Variants in SRD5A1 observed in about 807,000 individuals in gnomAD.
SRD5A1 encodes steroid 5 alpha-reductase 1.
In SRD5A1, 22 loss-of-function variants were observed where a neutral mutation model predicts 28.2. That is an observed-to-expected ratio of 0.78 (90% CI 0.56 to 1.12). The LOEUF (loss-of-function observed/expected upper bound fraction) is 1.12. Among genes scored for constraint, SRD5A1 ranks in the 50% most tolerant of loss-of-function variants. The pLI is 0.00. For missense variants in SRD5A1, 300 were observed against 346.7 expected, an observed-to-expected ratio of 0.87 and a Z score of 1.07; for synonymous variants, 151 against 135.0, an observed-to-expected ratio of 1.12 and a Z score of -0.82.
chr5:6,652,214 C>T (rs980396372), intron 2 of SRD5A1, among the ~76,000 whole-genome samples: 7 of 152,220 alleles, frequency 4.6e-5, no homozygotes, highest in African/African-American at 7.2e-5. Context: ...GGCACCTTCC[C>T]CCGCACGGGC....
intron 4 of SRD5A1, among the ~76,000 whole-genome samples, chr5:6,664,901 T>C (rs2126553303): frequency 6.6e-6 from 1 of 151,992 alleles, no homozygotes; most frequent in East Asian, 1.9e-4. Context: ...CTGCGGAAAG[T>C]TGAGTGAGTG....
Position 6,644,732 on chromosome 5 carries a change from G to A in SRD5A1, c.294-7110G>A, listed in dbSNP as rs1579398647. ...TGATCACAAGACAAGATTGCCTCCT[G>A]TTTTTAAGGGAGCCTATGACAGTCC... On this transcript the variant is annotated intron_variant, in intron 1 of 4. Transcript: ENST00000274192. 5 of 371,866 alleles carry A rather than the reference G, an allele frequency of 1.3e-5. 1 individual carries two copies. Among genetic ancestry groups the A allele is most frequent in the South Asian group, 1.0e-4 (5 of 50,082 alleles). The allele number at this position is 371,866 out of a possible 1,614,324, so 23.0% of individuals were successfully genotyped here. A position where few individuals can be genotyped will look rare whatever the true frequency, so the allele number is the denominator to read the frequency against.
chr5:6,654,304 G>A (rs1325702631), intron 2 of SRD5A1, among the ~76,000 whole-genome samples: 5 of 151,984 alleles, frequency 3.3e-5, no homozygotes, highest in Admixed American at 6.6e-5. Flanking sequence ...TGATTCACCC[G>A]CCTCAGCCTC....
intron 1 of SRD5A1, among the ~76,000 whole-genome samples, chr5:6,647,589 C>A (rs78478261): frequency 6.6e-6 from 1 of 152,274 alleles, no homozygotes; most frequent in African/African-American, 2.4e-5. Flanking sequence ...ACTAGGATTG[C>A]AACCCCTGCT....
rs1451132264 is a variant in SRD5A1 at position 6,658,136 on chromosome 5, C to T, written c.562+1957C>T. Among the ~76,000 whole-genome samples the T allele has an allele frequency of 3.3e-5, 5 of 151,974 alleles. No individual in the cohort carries two copies. The East Asian group carries it at 7.7e-4, about 23-fold the overall frequency. The stretch of plus-strand genomic sequence containing the variant: ...GGTCCAGAGTTCGAGACCAACCTGG[C>T]CAACATGGTAAAACCCCATCCCTAC... On this transcript the variant is annotated intron_variant, in intron 3 of 4. Transcript: ENST00000274192.
At chr5:6,665,902 G>C (rs1043896277) in intron 4 of SRD5A1, among the ~76,000 whole-genome samples, 3 of 152,242 alleles carry the variant, frequency 2.0e-5, no homozygotes, top group African/African-American at 7.2e-5. Flanking sequence ...GAGTTCATGA[G>C]TTGAAAGAGC....
chr5:6,659,232 G>GC (rs1266939983), intron 3 of SRD5A1, among the ~76,000 whole-genome samples: 1 of 151,480 alleles, frequency 6.6e-6, no homozygotes, highest in Non-Finnish European at 1.5e-5. Flanking sequence ...TCTTGCCTCA[G>GC]CCCCCCGAGT....
chr5:6,657,037 A>G (rs998846083), intron 3 of SRD5A1, among the ~76,000 whole-genome samples: 4 of 152,228 alleles, frequency 2.6e-5, no homozygotes, highest in African/African-American at 9.6e-5. Context: ...AAGGACTAGA[A>G]ACCAATAGAG....
At chr5:6,638,317 A>G (rs1327770693) in intron 1 of SRD5A1, among the ~76,000 whole-genome samples, 1 of 152,246 alleles carries the variant, frequency 6.6e-6, no homozygotes, top group African/African-American at 2.4e-5. Context: ...CCATCTTAAA[A>G]AGAAGTCATA....
At chr5:6,634,053 G>A (rs1005124365) in intron 1 of SRD5A1, among the ~76,000 whole-genome samples, 184 bp downstream of exon 1, 1 of 152,248 alleles carries the variant, frequency 6.6e-6, no homozygotes, top group South Asian at 2.1e-4. Context: ...GGCCCCGGGA[G>A]TTTGGAAACC....
At chr5:6,644,940 C>T (rs1358761892) in intron 1 of SRD5A1, 1 of 456,016 alleles carries the variant, frequency 2.2e-6, no homozygotes, top group South Asian at 1.5e-5. Context: ...TGTTCTTATT[C>T]ATTGCTTGGC....
intron 3 of SRD5A1, 85 bp downstream of exon 3, chr5:6,656,264 T>C: frequency 9.9e-7 from 1 of 1,006,378 alleles, no homozygotes; most frequent in Non-Finnish European, 1.5e-6. Context: ...TAAGAAGTAG[T>C]AGCGTAGTAG....
intron 4 of SRD5A1, among the ~76,000 whole-genome samples, chr5:6,667,644 G>A (rs779495915): frequency 2.0e-5 from 3 of 152,162 alleles, no homozygotes; most frequent in Non-Finnish European, 4.4e-5. Context: ...ATATCAAAAC[G>A]GAAAATAATG....
At chr5:6,653,140 G>A (rs2126539939) in intron 2 of SRD5A1, among the ~76,000 whole-genome samples, 1 of 152,200 alleles carries the variant, frequency 6.6e-6, no homozygotes, top group Non-Finnish European at 1.5e-5. Flanking sequence ...CTAACACTTG[G>A]ATAGTACTTT....
In SRD5A1 at chr5:6,649,206, G is replaced by A. The variant is rs150881518; in HGVS notation, c.294-2636G>A. 4.2e-3 allele frequency among the ~76,000 whole-genome samples: 640 copies of A among 152,290 alleles called. 3 individuals are homozygous for A. The highest frequency in any genetic ancestry group is 0.024 in the Middle Eastern group (7 of 294). On this transcript the variant is annotated intron_variant, in intron 1 of 4. Transcript: ENST00000274192. ...CCAGTGTGGATACACAGGGGGTCAG[G>A]GACCCACTTGAGGAGGTTGTCCCTT... is the stretch of plus-strand genomic sequence containing the variant.
intron 1 of SRD5A1, among the ~76,000 whole-genome samples, chr5:6,642,155 T>C (rs182528517): frequency 2.7e-4 from 41 of 152,366 alleles, no homozygotes; most frequent in Non-Finnish European, 2.4e-4. Flanking sequence ...GGATAACATT[T>C]CACTTATTGG....
In SRD5A1 at chr5:6,674,270, G is replaced by A. The variant is rs900114818; in HGVS notation, c.*6002G>A. 1.3e-5 allele frequency: 2 copies of A among 152,044 alleles called. No homozygotes were observed. The highest frequency in any genetic ancestry group is 4.8e-5 in the African/African-American group (2 of 41,362). 9.4% of individuals were successfully genotyped at this position (152,044 alleles called of 1,614,324 possible). ...ACACTAATGCAAGATGTTAATAGGGGAAATCGTGTTGGAGAGAGAGATATG... is the reference window on the plus strand; with the variant it reads ...ACACTAATGCAAGATGTTAATAGGGAAAATCGTGTTGGAGAGAGAGATATG... On this transcript the variant is annotated 3_prime_UTR_variant, in exon 5 of 5. Transcript: ENST00000274192.
chr5:6,638,142 C>T (rs936505401), intron 1 of SRD5A1, among the ~76,000 whole-genome samples: 1 of 152,120 alleles, frequency 6.6e-6, no homozygotes, highest in Non-Finnish European at 1.5e-5. Flanking sequence ...AGATCAAGAC[C>T]GTCCTGACCA....
intron 4 of SRD5A1, 135 bp downstream of exon 4, chr5:6,663,101 C>A: frequency 9.1e-7 from 1 of 1,099,590 alleles, no homozygotes; most frequent in East Asian, 2.6e-5. Flanking sequence ...CAAACAAGTA[C>A]AAAACCAAAT....
Sources: gnomAD v4.1 joint callset for allele counts (sites outside exome capture counted in the v4.1 genomes callset) on GRCh38, gnomAD v4.1.1 for gene constraint, MANE v1.5 for transcripts, NCBI Gene and HGNC (gene_info 2026-07-23, HGNC 2026-07-21) for gene names.